The following CAMKMT variants were observed in gnomAD, a reference collection of about 807,000 sequenced individuals.
CAMKMT encodes the protein CaM KMT.
Under a neutral mutation model 48.0 loss-of-function variants are expected in CAMKMT, and 53 were observed. The observed-to-expected ratio is 1.10, with a 90% CI of 0.89 to 1.39. The LOEUF is 1.39. Among genes scored for constraint, CAMKMT ranks in the 40% most tolerant of loss-of-function variants. The pLI, the probability that CAMKMT is intolerant of heterozygous loss-of-function variation, is 0.00. For synonymous variants in CAMKMT, 165 were observed against 152.3 expected, an observed-to-expected ratio of 1.08 and a Z score of -0.61; for missense variants, 428 against 402.7, an observed-to-expected ratio of 1.06 and a Z score of -0.54.
chr2:44,541,960 C>G (rs904136557), intron 3 of CAMKMT, among the ~76,000 whole-genome samples: 5 of 151,876 alleles, frequency 3.3e-5, no homozygotes, highest in Non-Finnish European at 7.4e-5. Flanking sequence ...GAAACCCTGT[C>G]TCTACTAAAA....
intron 10 of CAMKMT, among the ~76,000 whole-genome samples, chr2:44,770,975 G>T (rs1402689324): frequency 6.6e-6 from 1 of 152,210 alleles, no homozygotes; most frequent in Admixed American, 6.5e-5. Flanking sequence ...GTTCCCCAGC[G>T]GAAAAGGGGA....
intron 3 of CAMKMT, among the ~76,000 whole-genome samples, chr2:44,540,446 T>A (rs185785252): frequency 6.6e-6 from 1 of 152,134 alleles, no homozygotes; most frequent in East Asian, 1.9e-4. Context: ...TAGTGGAAAG[T>A]GTTATTTAAA....
At chr2:44,578,105 AGCTGAAGG>A (rs1179998126) in intron 3 of CAMKMT, among the ~76,000 whole-genome samples, 1 of 152,172 alleles carries the variant, frequency 6.6e-6, no homozygotes, top group Non-Finnish European at 1.5e-5. Flanking sequence ...TTCTAGATCC[AGCTGAAGG>A]GCCCACATGA....
At position 44,677,298 on chromosome 2, in the gene CAMKMT, A is replaced by G. The variant is rs1015058246; in HGVS notation, c.377-26985A>G. Among the ~76,000 whole-genome samples, 6 of 152,332 alleles carry G rather than the reference A, an allele frequency of 3.9e-5. No individual in the cohort carries two copies. The South Asian group carries it at 1.2e-3, about 32-fold the overall frequency. ...AGTTTTAACAGGGATAAGAGGAGTCACCAAACATCTCTTCCCTGTCCCTTG... is the reference window on the plus strand; with the variant it reads ...AGTTTTAACAGGGATAAGAGGAGTCGCCAAACATCTCTTCCCTGTCCCTTG... On this transcript the variant is annotated intron_variant, in intron 3 of 10. Coordinates refer to ENST00000378494, the MANE Select transcript of CAMKMT (RefSeq NM_024766.5).
intron 3 of CAMKMT, among the ~76,000 whole-genome samples, chr2:44,434,415 A>C (rs1281149899): frequency 6.6e-6 from 1 of 152,136 alleles, no homozygotes; most frequent in African/African-American, 2.4e-5. Context: ...AAAAGTAACA[A>C]ATTTTTGTCT....
At chr2:44,372,966 A>G in intron 2 of CAMKMT, 78 bp downstream of exon 2, 4 of 1,313,748 alleles carry the variant, frequency 3.0e-6, no homozygotes, top group Non-Finnish European at 3.2e-6. Flanking sequence ...AAGAATCATC[A>G]TTATTTATTC....
intron 3 of CAMKMT, among the ~76,000 whole-genome samples, chr2:44,472,261 G>A (rs1320586692): frequency 1.3e-5 from 2 of 152,082 alleles, no homozygotes; most frequent in African/African-American, 2.4e-5. Flanking sequence ...TTTTAGTAGA[G>A]ATGGGGTTTC....
At chr2:44,684,177 G>C (rs1676200442) in intron 3 of CAMKMT, among the ~76,000 whole-genome samples, 1 of 152,164 alleles carries the variant, frequency 6.6e-6, no homozygotes, top group Admixed American at 6.5e-5. Context: ...TCTGTTTTCT[G>C]TCCTGAGAAG....
At chr2:44,743,847 G>A in intron 8 of CAMKMT, 151 bp downstream of exon 8, 3 of 581,008 alleles carry the variant, frequency 5.2e-6, no homozygotes, top group Non-Finnish European at 3.1e-6. Context: ...ATCTCCATGT[G>A]ACAGTTATAA....
intron 3 of CAMKMT, among the ~76,000 whole-genome samples, chr2:44,563,437 A>G (rs1668435431): frequency 6.6e-6 from 1 of 151,774 alleles, no homozygotes; most frequent in South Asian, 2.1e-4. Context: ...TAAAGATGAT[A>G]ATATCAAGGG....
At chr2:44,688,289 G>A (rs772555163) in intron 3 of CAMKMT, among the ~76,000 whole-genome samples, 7 of 152,144 alleles carry the variant, frequency 4.6e-5, no homozygotes, top group African/African-American at 1.2e-4. Flanking sequence ...CAGCCAGGAC[G>A]TGCTTAGCAC....
At chr2:44,581,455 G>A (rs1669558931) in intron 3 of CAMKMT, among the ~76,000 whole-genome samples, 1 of 152,114 alleles carries the variant, frequency 6.6e-6, no homozygotes, top group African/African-American at 2.4e-5. Context: ...TGTCTTATTA[G>A]GTTATCCAGG....
At chr2:44,559,728 G>T (rs1219580548) in intron 3 of CAMKMT, among the ~76,000 whole-genome samples, 1 of 152,132 alleles carries the variant, frequency 6.6e-6, no homozygotes, top group Non-Finnish European at 1.5e-5. Context: ...CTAGCTCAAT[G>T]CCTGAAACAG....
At chr2:44,768,627 G>A (rs12991919) in intron 10 of CAMKMT, among the ~76,000 whole-genome samples, 41,201 of 152,060 alleles carry the variant, frequency 0.27, 7,055 homozygotes, top group Non-Finnish European at 0.37. Context: ...GCGCGAAGGC[G>A]GAGGCCCAAG....
intron 3 of CAMKMT, among the ~76,000 whole-genome samples, chr2:44,531,403 C>T (rs1436943627): frequency 1.3e-5 from 2 of 152,004 alleles, no homozygotes; most frequent in African/African-American, 4.8e-5. Flanking sequence ...ATTTTAAGGA[C>T]TTCTTTGTAA....
chr2:44,505,868 T>G (rs1171116943), intron 3 of CAMKMT, among the ~76,000 whole-genome samples: 1 of 151,214 alleles, frequency 6.6e-6, no homozygotes, highest in Non-Finnish European at 1.5e-5. Context: ...ATTTATTTAT[T>G]TATTTATTTA....
intron 3 of CAMKMT, among the ~76,000 whole-genome samples, chr2:44,579,681 C>G (rs760275861): frequency 2.2e-4 from 33 of 152,186 alleles, no homozygotes; most frequent in Non-Finnish European, 4.0e-4. Flanking sequence ...GGCTCTGTGT[C>G]TCTTATCTAC....
At chr2:44,761,878 A>T (rs1305990569) in intron 9 of CAMKMT, among the ~76,000 whole-genome samples, 2 of 152,186 alleles carry the variant, frequency 1.3e-5, no homozygotes, top group African/African-American at 4.8e-5. Flanking sequence ...TTTGGACAAA[A>T]TGGATTAAAG....
At chr2:44,605,803 A>C (rs1204302770) in intron 3 of CAMKMT, among the ~76,000 whole-genome samples, 1 of 152,116 alleles carries the variant, frequency 6.6e-6, no homozygotes, top group Non-Finnish European at 1.5e-5. Context: ...GAGGGAATAC[A>C]GATTAGAGTC....
Sources: gnomAD v4.1 joint callset for allele counts (sites outside exome capture counted in the v4.1 genomes callset) on GRCh38, gnomAD v4.1.1 for gene constraint, MANE v1.5 for transcripts, NCBI Gene and HGNC (gene_info 2026-07-23, HGNC 2026-07-21) for gene names.